The following PIK3C2A variants were observed in gnomAD, a reference collection of about 807,000 sequenced individuals.
PIK3C2A encodes the protein phosphatidylinositol 4-phosphate 3-kinase C2 domain-containing subunit alpha.
A neutral mutation model predicts 204.5 loss-of-function variants in PIK3C2A; 97 were observed. The observed-to-expected ratio is 0.47, with a 90% CI of 0.40 to 0.56. The LOEUF (loss-of-function observed/expected upper bound fraction) is 0.56. Among genes scored for constraint, PIK3C2A ranks in the 20% least tolerant of loss-of-function variants. PIK3C2A has a pLI of 0.00. For synonymous variants in PIK3C2A, 653 were observed against 664.4 expected, an observed-to-expected ratio of 0.98 and a Z score of 0.26; for missense variants, 1,735 against 1,969.2, an observed-to-expected ratio of 0.88 and a Z score of 2.25.
At chr11:17,129,102 A>G (rs1849613132) in intron 13 of PIK3C2A, among the ~76,000 whole-genome samples, 198 bp downstream of exon 13, 1 of 152,186 alleles carries the variant, frequency 6.6e-6, no homozygotes, top group African/African-American at 2.4e-5. Flanking sequence ...ACCTATTCAG[A>G]TATGTTTAGA....
At chr11:17,196,747 T>G (rs560326636) in intron 1 of PIK3C2A, among the ~76,000 whole-genome samples, 2 of 152,108 alleles carry the variant, frequency 1.3e-5, no homozygotes, top group South Asian at 4.2e-4. Flanking sequence ...TTTTTCTGTA[T>G]TTTTAGTAGA....
chr11:17,141,090 C>T (rs1449769825), intron 8 of PIK3C2A, among the ~76,000 whole-genome samples: 1 of 152,134 alleles, frequency 6.6e-6, no homozygotes, highest in Non-Finnish European at 1.5e-5. Flanking sequence ...TGAGTCCATA[C>T]TGTGCGGAAC....
intron 20 of PIK3C2A, among the ~76,000 whole-genome samples, chr11:17,113,480 G>C (rs1399800085): frequency 2.6e-5 from 4 of 151,936 alleles, no homozygotes; most frequent in African/African-American, 9.7e-5. Context: ...AATTTTATTA[G>C]CAATGATCAA....
At chr11:17,101,148 G>A (rs1848611869) in intron 25 of PIK3C2A, 130 bp downstream of exon 25, 1 of 520,558 alleles carries the variant, frequency 1.9e-6, no homozygotes, top group African/African-American at 1.9e-5. Flanking sequence ...TAAAATATCT[G>A]AGCAATAATG....
intron 2 of PIK3C2A, 78 bp downstream of exon 2, chr11:17,168,598 CA>C (rs1230991326): frequency 2.8e-6 from 3 of 1,081,210 alleles, no homozygotes; most frequent in Non-Finnish European, 4.0e-6. Flanking sequence ...AAAACAAAAA[CA>C]AAAAAACACA....
At chr11:17,134,281 C>T (rs1036978615) in intron 11 of PIK3C2A, among the ~76,000 whole-genome samples, 2 of 152,034 alleles carry the variant, frequency 1.3e-5, no homozygotes, top group African/African-American at 4.8e-5. Flanking sequence ...ATATAGCTCA[C>T]TGCAGTCTTC....
At chr11:17,135,770 T>C (rs1349262862) in intron 9 of PIK3C2A, among the ~76,000 whole-genome samples, 2 of 151,862 alleles carry the variant, frequency 1.3e-5, no homozygotes, top group Non-Finnish European at 2.9e-5. Flanking sequence ...GAAACCCACA[T>C]CTCTACATAC....
rs1203202779 is a variant in PIK3C2A at position 17,147,438 on chromosome 11, G to A, written c.1560+79C>T. On this transcript the variant is annotated intron_variant, in intron 6 of 32. Coordinates refer to ENST00000691414, the MANE Select transcript of PIK3C2A (RefSeq NM_002645.4). ...TTCTAACTATGAAATCATGAAAAAT[G>A]TACAAGTTGAAAATTGGCAAATTAG... 1.1e-5 allele frequency: 8 copies of A among 758,358 alleles called. No individual in the cohort carries two copies. In the East Asian group the frequency reaches 1.8e-4, roughly 17 times the overall value. The allele number at this position is 758,358 out of a possible 1,614,324, so 47.0% of individuals were successfully genotyped here. A position where few individuals can be genotyped will look rare whatever the true frequency, so the allele number is the denominator to read the frequency against.
At chr11:17,134,143 A>G (rs1424252601) in intron 11 of PIK3C2A, among the ~76,000 whole-genome samples, 1 of 152,158 alleles carries the variant, frequency 6.6e-6, no homozygotes, top group Non-Finnish European at 1.5e-5. Flanking sequence ...TCATTTAAAC[A>G]CCAAGATAAC....
At chr11:17,178,711 GAATTT>G (rs1197878481) in intron 1 of PIK3C2A, among the ~76,000 whole-genome samples, 49,887 of 87,982 alleles carry the variant, frequency 0.57, 15,816 homozygotes, top group East Asian at 0.79. Flanking sequence ...GTTGATTTTT[GAATTT>G]TTTTTTTTTT....
At chr11:17,170,579 C>A (rs532841178) in intron 1 of PIK3C2A, among the ~76,000 whole-genome samples, 1 of 152,040 alleles carries the variant, frequency 6.6e-6, no homozygotes, top group Non-Finnish European at 1.5e-5. Flanking sequence ...TTATTCTTCA[C>A]GAAAAGATGA....
intron 2 of PIK3C2A, among the ~76,000 whole-genome samples, chr11:17,164,490 T>C (rs1481234363): frequency 2.0e-5 from 3 of 152,226 alleles, no homozygotes; most frequent in Non-Finnish European, 4.4e-5. Context: ...ATGCTGCAGT[T>C]AGACTGCCTT....
chr11:17,091,901 A>G, intron 30 of PIK3C2A, 95 bp downstream of exon 30: 1 of 833,556 alleles, frequency 1.2e-6, no homozygotes, highest in Non-Finnish European at 2.1e-6. Flanking sequence ...CTCAGACTAC[A>G]GCTAGTAAGC....
chr11:17,115,042 T>C (rs996106410), intron 19 of PIK3C2A, among the ~76,000 whole-genome samples: 8 of 152,178 alleles, frequency 5.3e-5, no homozygotes, highest in Admixed American at 2.6e-4. Context: ...ATTAAGATTG[T>C]ATGTAATATT....
At chr11:17,181,909 T>C (rs1041932837) in intron 1 of PIK3C2A, among the ~76,000 whole-genome samples, 5 of 151,544 alleles carry the variant, frequency 3.3e-5, no homozygotes, top group African/African-American at 4.9e-5. Flanking sequence ...CTGACCAACA[T>C]GGAGAAACCC....
intron 25 of PIK3C2A, 27 bp from the exon 26 acceptor site, chr11:17,099,996 G>C: frequency 8.9e-7 from 1 of 1,128,460 alleles, no homozygotes. Flanking sequence ...AAAGTTCTGT[G>C]AGTTAAATTT....
chr11:17,182,621 A>G (rs1002245286), intron 1 of PIK3C2A, among the ~76,000 whole-genome samples: 3 of 152,006 alleles, frequency 2.0e-5, no homozygotes, highest in African/African-American at 7.2e-5. Flanking sequence ...TAGTGATAAC[A>G]TTAAAAAATA....
At chr11:17,195,406 T>C (rs1852114296) in intron 1 of PIK3C2A, among the ~76,000 whole-genome samples, 1 of 150,440 alleles carries the variant, frequency 6.6e-6, no homozygotes, top group South Asian at 2.1e-4. Flanking sequence ...AGGAAGATTC[T>C]GTCTCAAAGA....
At chr11:17,191,545 T>C (rs1565303939) in intron 1 of PIK3C2A, among the ~76,000 whole-genome samples, 2 of 152,320 alleles carry the variant, frequency 1.3e-5, no homozygotes, top group East Asian at 3.9e-4. Context: ...GCTCCAACAT[T>C]TGAGACCCTC....
Sources: gnomAD v4.1 joint callset for allele counts (sites outside exome capture counted in the v4.1 genomes callset) on GRCh38, gnomAD v4.1.1 for gene constraint, MANE v1.5 for transcripts, NCBI Gene and HGNC (gene_info 2026-07-23, HGNC 2026-07-21) for gene names.